The following PLB1 variants were observed in gnomAD, a reference collection of about 807,000 sequenced individuals.
The protein encoded by PLB1 is phospholipase B1, membrane-associated.
A neutral mutation model predicts 227.4 loss-of-function variants in PLB1; 242 were observed. The observed-to-expected ratio is 1.06, with a 90% confidence interval of 0.96 to 1.18. The LOEUF (loss-of-function observed/expected upper bound fraction) is 1.18. Among genes scored for constraint, PLB1 ranks in the 50% most tolerant of loss-of-function variants. The probability of loss-of-function intolerance (pLI) is 0.00; values close to 1 mark genes in which losing one functional copy is unlikely to be tolerated. For missense variants in PLB1, 1,858 were observed against 1,816.3 expected (o/e 1.02, Z -0.42); for synonymous variants, 757 against 682.2 (o/e 1.11, Z -1.71).
intron 1 of PLB1, among the ~76,000 whole-genome samples, chr2:28,512,577 G>T (rs917031768): frequency 6.6e-6 from 1 of 151,920 alleles, no homozygotes; most frequent in East Asian, 1.9e-4. Flanking sequence ...TTTTTCTGAG[G>T]GTCGTCAATT....
rs895341042 is a variant in PLB1 at position 28,605,670 on chromosome 2, A to G, written c.2962-183A>G. ...GAAGGTTGGGGGTTGGCGTCACCCAAAACTATTCTTTGTGGGATCGCTCTG... is the reference window on the plus strand; with the variant it reads ...GAAGGTTGGGGGTTGGCGTCACCCAGAACTATTCTTTGTGGGATCGCTCTG... On this transcript the variant is annotated intron_variant, in intron 41 of 57. Transcript: ENST00000327757. 3.9e-5 allele frequency among the ~76,000 whole-genome samples: 6 copies of G among 152,262 alleles called. 1 individual carries two copies. Among genetic ancestry groups the G allele is most frequent in the African/African-American group, 1.4e-4 (6 of 41,544 alleles).
rs761684987 is a variant in PLB1 at position 28,548,932 on chromosome 2, G to A, written c.1008+1G>A. On this transcript the variant is annotated splice_donor_variant, in intron 15 of 57. Transcript: ENST00000327757. LOFTEE classifies it high-confidence loss of function. ...GAGGCCAATGAAGTGTCCCTCTCAG[G>A]TAGGAGGGACTGGGCAGAGGAGGGA... 6.2e-7 allele frequency: 1 copy of A among 1,613,258 alleles called. No individual in the cohort carries two copies. Among genetic ancestry groups the A allele is most frequent in the Admixed American group, 1.7e-5 (1 of 59,990 alleles).
intron 23 of PLB1, among the ~76,000 whole-genome samples, chr2:28,581,017 C>A (rs1279408421): frequency 6.6e-6 from 1 of 152,036 alleles, no homozygotes; most frequent in African/African-American, 2.4e-5. Context: ...AGCCTTGGGG[C>A]TGCTGGTAGC....
chr2:28,524,254 T>A (rs1237407514), intron 4 of PLB1, among the ~76,000 whole-genome samples: 1 of 152,136 alleles, frequency 6.6e-6, no homozygotes, highest in Non-Finnish European at 1.5e-5. Context: ...GAGAGAAAAT[T>A]CACATCAGAA....
Position 28,523,092 on chromosome 2 carries a change from G to C in PLB1, c.244-2175G>C, listed in dbSNP as rs1669740317. 7.2e-5 allele frequency among the ~76,000 whole-genome samples: 11 copies of C among 152,194 alleles called. No homozygotes were observed. The South Asian group carries it at 2.3e-3, about 32-fold the overall frequency. ...TTTCCTTGTAGAACTTCAAAAATCA[G>C]TTATGTAAATGTTTGTAGAAGTTCT... On this transcript the variant is annotated intron_variant, in intron 4 of 57. Transcript: ENST00000327757.
chr2:28,593,998 A>T (rs1161863002), intron 33 of PLB1: 4 of 737,990 alleles, frequency 5.4e-6, no homozygotes, highest in South Asian at 4.1e-5. Flanking sequence ...TTCTTATCAG[A>T]CTCCTGGGTC....
At chr2:28,598,536 G>A (rs1281732133) in intron 34 of PLB1, 116 bp from the exon 35 acceptor site, 1 of 772,208 alleles carries the variant, frequency 1.3e-6, no homozygotes, top group Non-Finnish European at 2.3e-6. Flanking sequence ...CCTCTCCCCA[G>A]GAAGCATGAG....
At chr2:28,499,023 A>G (rs774688253) in intron 1 of PLB1, among the ~76,000 whole-genome samples, 2 of 152,174 alleles carry the variant, frequency 1.3e-5, no homozygotes, top group African/African-American at 2.4e-5. Flanking sequence ...TCTCTGTTGC[A>G]GGCATGGACA....
At chr2:28,578,934 A>T (rs1213702721) in intron 22 of PLB1, among the ~76,000 whole-genome samples, 4 of 152,116 alleles carry the variant, frequency 2.6e-5, no homozygotes, top group South Asian at 2.1e-4. Flanking sequence ...CTGGGGCAAT[A>T]TAAGAGGCTT....
chr2:28,520,140 C>T (rs1669326951), intron 4 of PLB1, among the ~76,000 whole-genome samples: 1 of 151,842 alleles, frequency 6.6e-6, no homozygotes, highest in African/African-American at 2.4e-5. Flanking sequence ...GTTGGTCAGG[C>T]TAGTCTCGAA....
At chr2:28,640,779 C>T in intron 56 of PLB1, 148 bp from the exon 57 acceptor site, 5 of 728,928 alleles carry the variant, frequency 6.9e-6, no homozygotes, top group Non-Finnish European at 9.1e-6. Context: ...CTGCTGGGTC[C>T]CTGCTGTGGG....
At chr2:28,532,697 T>C (rs895210924) in intron 9 of PLB1, among the ~76,000 whole-genome samples, 12 of 152,214 alleles carry the variant, frequency 7.9e-5, no homozygotes, top group African/African-American at 2.7e-4. Context: ...TTAATTCTGA[T>C]TTCATGTAAG....
At chr2:28,611,368 G>A (rs1685435571) in intron 43 of PLB1, among the ~76,000 whole-genome samples, 1 of 152,108 alleles carries the variant, frequency 6.6e-6, no homozygotes, top group Admixed American at 6.5e-5. Flanking sequence ...TCCCATTCTG[G>A]TCACGGTAGG....
intron 1 of PLB1, among the ~76,000 whole-genome samples, chr2:28,516,213 AGACT>A (rs1186025016): frequency 3.9e-5 from 6 of 152,226 alleles, no homozygotes; most frequent in Non-Finnish European, 8.8e-5. Context: ...ATGTTTTTAA[AGACT>A]GACCAAAAGT....
At chr2:28,629,261 C>A (rs970790512) in intron 53 of PLB1, 76 bp downstream of exon 53, 3 of 1,368,842 alleles carry the variant, frequency 2.2e-6, no homozygotes, top group Admixed American at 3.9e-5. Flanking sequence ...AGGAGGAGAC[C>A]AGTTGAGGCA....
At chr2:28,530,636 C>G (rs1208029527) in intron 8 of PLB1, among the ~76,000 whole-genome samples, 1 of 152,242 alleles carries the variant, frequency 6.6e-6, no homozygotes, top group Non-Finnish European at 1.5e-5. Context: ...TAATAAGCAT[C>G]CTTAGATCTT....
chr2:28,589,878 C>A, intron 28 of PLB1, 108 bp downstream of exon 28: 1 of 1,356,682 alleles, frequency 7.4e-7, no homozygotes, highest in Non-Finnish European at 1.1e-6. Context: ...TGATTCTATG[C>A]ACGGCAATGA....
At chr2:28,638,855 G>A (rs1689668796) in intron 56 of PLB1, among the ~76,000 whole-genome samples, 1 of 150,336 alleles carries the variant, frequency 6.7e-6, no homozygotes, top group Admixed American at 6.6e-5. Flanking sequence ...AAAAAAAGTG[G>A]GGTTATTAGC....
At position 28,604,745 on chromosome 2, in the gene PLB1, C is replaced by G. The variant is rs745665136; in HGVS notation, c.2947C>G (p.Leu983Val). Residue 983 changes from leucine (L) to valine (V), a missense_variant, in exon 41 of 58, where the codon CTC (leucine) becomes GTC (valine). By Grantham distance (32) the Leu-to-Val change is conservative. Transcript: ENST00000327757. ...GCAGCCCTTCTTCCAGAACATCCAG[C>G]TCCCTGTCCTGGCGGTATGTCCCCT... ...VLQPFFQNIQ[L>V]PVLADGLPDT... is the part of the protein sequence containing the mutation. 1 of 1,613,992 alleles carries G rather than the reference C, an allele frequency of 6.2e-7. No individual in the cohort carries two copies. The highest frequency in any genetic ancestry group is 2.2e-5 in the East Asian group (1 of 44,886).
Sources: gnomAD v4.1 joint callset for allele counts (sites outside exome capture counted in the v4.1 genomes callset) on GRCh38, gnomAD v4.1.1 for gene constraint, MANE v1.5 for transcripts, NCBI Gene and HGNC (gene_info 2026-07-23, HGNC 2026-07-21) for gene names.